The following UBE3C variants were observed in gnomAD, a reference collection of about 807,000 sequenced individuals.
The protein encoded by UBE3C is ubiquitin-protein ligase E3C.
UBE3C carries 42 observed loss-of-function variants against 129.4 expected under a neutral mutation model. The ratio of observed to expected loss-of-function variants is 0.32; its 90% confidence interval spans 0.25 to 0.42. The LOEUF is 0.42. Ranked by LOEUF, UBE3C falls within the 10% of genes least tolerant of loss-of-function variation. The pLI is 1.00. For synonymous variants in UBE3C, 510 were observed against 492.4 expected, an observed-to-expected ratio of 1.04 and a Z score of -0.47; for missense variants, 1,049 against 1,319.1, an observed-to-expected ratio of 0.80 and a Z score of 3.17.
chr7:157,222,744 A>G (rs1032401721), intron 15 of UBE3C: 2 of 152,444 alleles, frequency 1.3e-5, no homozygotes, highest in Non-Finnish European at 2.9e-5. Flanking sequence ...CCAAGTTACG[A>G]TTTATTGTTG....
At position 157,159,835 on chromosome 7, in the gene UBE3C, C is replaced by T. The variant is rs117411654; in HGVS notation, c.67-3975C>T. Among the ~76,000 whole-genome samples, 1,392 of 152,238 alleles carry T rather than the reference C, an allele frequency of 9.1e-3. 10 individuals are homozygous for T. The highest frequency in any genetic ancestry group is 0.027 in the Middle Eastern group (8 of 294). ...GACTCTGTCTCCAAAAAAATAAATA[C>T]CATTTGCTTGCCTGATCTAATTACA... On this transcript the variant is annotated intron_variant, in intron 1 of 22. Transcript: ENST00000348165.
At chr7:157,245,433 T>A (rs1796447610) in intron 18 of UBE3C, among the ~76,000 whole-genome samples, 1 of 152,202 alleles carries the variant, frequency 6.6e-6, no homozygotes, top group South Asian at 2.1e-4. Flanking sequence ...AACTCGTCAT[T>A]CATTTCGAAG....
chr7:157,139,398 C>CTGGGACTCGGGG (rs1807360201), intron 1 of UBE3C, 60 bp downstream of exon 1: 1 of 749,752 alleles, frequency 1.3e-6, no homozygotes. Flanking sequence ...GGGCTCGGGG[C>CTGGGACTCGGGG]TGGGACTCGG....
intron 18 of UBE3C, 160 bp downstream of exon 18, chr7:157,231,487 G>GT (rs1207964733): frequency 9.7e-7 from 1 of 1,025,792 alleles, no homozygotes; most frequent in East Asian, 2.6e-5. Context: ...TTGTATGGTT[G>GT]TAAGTAGGTG....
intron 7 of UBE3C, among the ~76,000 whole-genome samples, 200 bp from the exon 8 acceptor site, chr7:157,181,908 C>T (rs531857187): frequency 2.6e-5 from 4 of 152,148 alleles, no homozygotes; most frequent in Non-Finnish European, 4.4e-5. Context: ...CAAAAATTAA[C>T]GAAAACATGG....
chr7:157,219,636 T>C lies in UBE3C; in HGVS notation c.1915-1053T>C, dbSNP rs189721007. ...TGCAAGGGTGGCTGGGCACGGAGGC[T>C]CACATCTGTAATCCCAGCACTTTGG... On this transcript the variant is annotated intron_variant, in intron 14 of 22. Transcript: ENST00000348165. Among the ~76,000 whole-genome samples, 52 of 152,276 alleles carry C rather than the reference T, an allele frequency of 3.4e-4. 1 individual carries two copies. Among genetic ancestry groups the C allele is most frequent in the Middle Eastern group, 3.4e-3 (1 of 294 alleles).
At chr7:157,170,117 GTTTT>G (rs146750630) in intron 3 of UBE3C, among the ~76,000 whole-genome samples, 183 bp from the exon 4 acceptor site, 4 of 134,880 alleles carry the variant, frequency 3.0e-5, no homozygotes, top group Non-Finnish European at 6.4e-5. Context: ...ACCATGCCTG[GTTTT>G]TTTTTTTTTT....
chr7:157,212,672 G>A (rs1292567353), intron 13 of UBE3C, among the ~76,000 whole-genome samples: 1 of 152,180 alleles, frequency 6.6e-6, no homozygotes, highest in Non-Finnish European at 1.5e-5. Flanking sequence ...TGGGGTTAAG[G>A]GAAACCTGCT....
At chr7:157,154,004 A>G (rs61545466) in intron 1 of UBE3C, among the ~76,000 whole-genome samples, 2,227 of 141,916 alleles carry the variant, frequency 0.016, 44 homozygotes, top group African/African-American at 0.05. Flanking sequence ...CTGGGGGGGG[A>G]AAAGTTAACT....
At chr7:157,261,890 G>A (rs1181546119) in intron 22 of UBE3C, among the ~76,000 whole-genome samples, 1 of 152,162 alleles carries the variant, frequency 6.6e-6, no homozygotes, top group Non-Finnish European at 1.5e-5. Flanking sequence ...AATTCCCGTT[G>A]TACTGTATTT....
chr7:157,145,845 C>T (rs929388389), intron 1 of UBE3C, among the ~76,000 whole-genome samples: 7 of 152,138 alleles, frequency 4.6e-5, no homozygotes, highest in African/African-American at 1.7e-4. Flanking sequence ...CTCCGCTGCA[C>T]GCTGTTTCCT....
intron 19 of UBE3C, among the ~76,000 whole-genome samples, chr7:157,249,923 G>C (rs1796579846): frequency 6.6e-6 from 1 of 152,082 alleles, no homozygotes; most frequent in Non-Finnish European, 1.5e-5. Flanking sequence ...CCAACATGAA[G>C]CTCAAAGGAA....
In UBE3C at chr7:157,170,290, T is replaced by C. The variant is rs187811170; in HGVS notation, c.196-14T>C. 7.7e-5 allele frequency: 113 copies of C among 1,466,824 alleles called. 2 individuals are homozygous for C. The Admixed American group carries it at 3.0e-3, about 39-fold the overall frequency. 90.9% of individuals were successfully genotyped at this position (1,466,824 alleles called of 1,614,324 possible). ...ACTATATTTATGGGTCATTTTGTTTTGTTTTTCTTCCAGTATTCCATCCAA... is the reference window on the plus strand; with the variant it reads ...ACTATATTTATGGGTCATTTTGTTTCGTTTTTCTTCCAGTATTCCATCCAA... On this transcript the variant is annotated splice_polypyrimidine_tract_variant and intron_variant, in intron 3 of 22. Transcript: ENST00000348165.
chr7:157,148,675 T>C lies in UBE3C; in HGVS notation c.66+9337T>C, dbSNP rs1481707695. Among the ~76,000 whole-genome samples the C allele has an allele frequency of 1.3e-5, 2 of 152,212 alleles. 1 individual carries two copies. Among genetic ancestry groups the C allele is most frequent in the East Asian group, 3.8e-4 (2 of 5,206 alleles). On this transcript the variant is annotated intron_variant, in intron 1 of 22. Coordinates refer to ENST00000348165, the MANE Select transcript of UBE3C (RefSeq NM_014671.3). Reference sequence around the variant, plus strand: ...CATTGTAGTGGAACATAAAAACTTTTTCTTACAGATCTGGCATCAAATAAA... The same window carrying C: ...CATTGTAGTGGAACATAAAAACTTTCTCTTACAGATCTGGCATCAAATAAA...
chr7:157,149,360 AT>A (rs2116807614), intron 1 of UBE3C, among the ~76,000 whole-genome samples: 1 of 152,152 alleles, frequency 6.6e-6, no homozygotes, highest in African/African-American at 2.4e-5. Context: ...CTGGCCAGGA[AT>A]TCAACCGATT....
At chr7:157,208,469 T>C (rs1476534986) in intron 13 of UBE3C, among the ~76,000 whole-genome samples, 1 of 152,252 alleles carries the variant, frequency 6.6e-6, no homozygotes, top group East Asian at 1.9e-4. Context: ...TAATTTACAT[T>C]TGCCTCACTT....
intron 18 of UBE3C, among the ~76,000 whole-genome samples, chr7:157,241,797 G>A (rs1246494689): frequency 1.3e-5 from 2 of 152,174 alleles, no homozygotes; most frequent in African/African-American, 2.4e-5. Context: ...AACAGAATAC[G>A]GTTCATCCAT....
At chr7:157,212,894 A>G (rs1422209420) in intron 13 of UBE3C, among the ~76,000 whole-genome samples, 1 of 152,040 alleles carries the variant, frequency 6.6e-6, no homozygotes, top group Admixed American at 6.6e-5. Flanking sequence ...AGTAGCTGGG[A>G]CTACAGGCAT....
Position 157,243,310 on chromosome 7 carries a change from G to A in UBE3C, c.2482-5058G>A, listed in dbSNP as rs569809988. Among the ~76,000 whole-genome samples, 6 of 152,252 alleles carry A rather than the reference G, an allele frequency of 3.9e-5. No homozygotes were observed. The East Asian group carries it at 1.2e-3, about 29-fold the overall frequency. ...GGAAGAAAAGGTACGAGCACTGTGA[G>A]GCCTCGGCAGCTCTGCATGCTGGGG... On this transcript the variant is annotated intron_variant, in intron 18 of 22. Transcript: ENST00000348165.
Sources: gnomAD v4.1 joint callset for allele counts (sites outside exome capture counted in the v4.1 genomes callset) on GRCh38, gnomAD v4.1.1 for gene constraint, MANE v1.5 for transcripts, NCBI Gene and HGNC (gene_info 2026-07-23, HGNC 2026-07-21) for gene names.